The following APOBEC3B variants were observed in gnomAD, a reference collection of about 807,000 sequenced individuals.
APOBEC3B encodes the protein DNA dC->dU-editing enzyme APOBEC-3B.
In APOBEC3B, 29 loss-of-function variants were observed where a neutral mutation model predicts 53.4. The observed-to-expected ratio is 0.54, with a 90% CI of 0.40 to 0.74. The LOEUF (loss-of-function observed/expected upper bound fraction) is 0.74, where lower values mean the gene tolerates loss of function less well. Ranked by LOEUF, APOBEC3B falls within the 30% of genes least tolerant of loss-of-function variation. The pLI is 0.00. For missense variants in APOBEC3B, 347 were observed against 496.2 expected (o/e 0.70, Z 2.86); for synonymous variants, 132 against 184.8 (o/e 0.71, Z 2.32).
At position 38,984,989 on chromosome 22, in the gene APOBEC3B, C is replaced by T. The variant is rs1282783190; in HGVS notation, c.174+758C>T. Among the ~76,000 whole-genome samples, 8 of 145,464 alleles carry T rather than the reference C, an allele frequency of 5.5e-5. 1 individual carries two copies. Among genetic ancestry groups the T allele is most frequent in the Admixed American group, 7.2e-5 (1 of 13,942 alleles). Reference sequence around the variant, plus strand: ...CAATCTTGGCTCACTACAACCTCCACCTCTCAGGTTCAAGTGATTCTTCGG... The same window carrying T: ...CAATCTTGGCTCACTACAACCTCCATCTCTCAGGTTCAAGTGATTCTTCGG... On this transcript the variant is annotated intron_variant, in intron 2 of 7. Transcript: ENST00000333467.
rs202028894 is a variant in APOBEC3B at position 38,986,442 on chromosome 22, C to G, written c.569+30C>G. Reference sequence around the variant, plus strand: ...GGGTCTCCCTCTGGCCTCATCATCTCTCTCCTCTCACCTGCTCATCCTCCT... The same window carrying G: ...GGGTCTCCCTCTGGCCTCATCATCTGTCTCCTCTCACCTGCTCATCCTCCT... On this transcript the variant is annotated intron_variant, in intron 4 of 7. Transcript: ENST00000333467. The G allele has an allele frequency of 2.0e-5, 31 of 1,585,430 alleles. 3 individuals are homozygous for G. In the African/African-American group the frequency reaches 3.2e-4, roughly 17 times the overall value.
chr22:38,990,574 C>G (rs1363679927), intron 5 of APOBEC3B, among the ~76,000 whole-genome samples: 1 of 147,920 alleles, frequency 6.8e-6, no homozygotes, highest in Non-Finnish European at 1.5e-5. Context: ...TACCATGTCA[C>G]AGGGACCTTC....
chr22:38,990,230 G>A (rs1210158003), intron 5 of APOBEC3B, among the ~76,000 whole-genome samples: 3 of 148,036 alleles, frequency 2.0e-5, no homozygotes, highest in Non-Finnish European at 3.0e-5. Context: ...GGAAACTGGG[G>A]GCTTCTCTGG....
chr22:38,990,847 T>C (rs1291778337), intron 5 of APOBEC3B, among the ~76,000 whole-genome samples: 1 of 145,722 alleles, frequency 6.9e-6, no homozygotes, highest in Non-Finnish European at 1.5e-5. Flanking sequence ...CCTGCCCCCA[T>C]CTCTGTAGCC....
chr22:38,991,971 G>C (rs1181316442), intron 6 of APOBEC3B, 63 bp from the exon 7 acceptor site: 2 of 1,488,842 alleles, frequency 1.3e-6, no homozygotes, highest in African/African-American at 2.8e-5. Context: ...GAGAGTCATG[G>C]GCCCTTGGTG....
intron 4 of APOBEC3B, among the ~76,000 whole-genome samples, chr22:38,988,627 T>TCCTTCCTC (rs1222036075): frequency 6.9e-6 from 1 of 145,444 alleles, no homozygotes; most frequent in East Asian, 2.4e-4. Context: ...ATTCCTTCCT[T>TCCTTCCTC]CCTTCCTCCC....
chr22:38,988,683 C>CTCTCTT (rs1555894372), intron 4 of APOBEC3B, among the ~76,000 whole-genome samples: 2,874 of 47,378 alleles, frequency 0.061, 182 homozygotes, highest in Non-Finnish European at 0.064. Flanking sequence ...TTCTCTCTTT[C>CTCTCTT]TCTTTCTTTC....
chr22:38,987,251 C>T (rs1411575454), intron 4 of APOBEC3B, among the ~76,000 whole-genome samples: 2 of 148,548 alleles, frequency 1.3e-5, no homozygotes, highest in African/African-American at 4.9e-5. Context: ...TGCTGGGCCT[C>T]AGCCCTGGCC....
At position 38,985,769 on chromosome 22, in the gene APOBEC3B, C is replaced by T. The variant is rs368058660; in HGVS notation, c.175-43C>T. 1.1e-5 allele frequency: 17 copies of T among 1,542,122 alleles called. 1 individual carries two copies. Among genetic ancestry groups the T allele is most frequent in the Non-Finnish European group, 1.0e-5 (12 of 1,143,510 alleles). On this transcript the variant is annotated intron_variant, in intron 2 of 7. Coordinates refer to ENST00000333467, the MANE Select transcript of APOBEC3B (RefSeq NM_004900.5). ...CTGCCCCACCCCTGCACTCCTCCTG[C>T]TCCCCCTCTCAGAGCATCCCCTGCC... is the stretch of plus-strand genomic sequence containing the variant.
chr22:38,987,498 T>TGG (rs1923790429), intron 4 of APOBEC3B, among the ~76,000 whole-genome samples: 1 of 148,708 alleles, frequency 6.7e-6, no homozygotes, highest in African/African-American at 2.4e-5. Flanking sequence ...CCACCATTCC[T>TGG]GAGCTCTGGA....
intron 4 of APOBEC3B, among the ~76,000 whole-genome samples, chr22:38,987,111 A>G (rs1177520599): frequency 6.7e-6 from 1 of 148,774 alleles, no homozygotes; most frequent in Non-Finnish European, 1.5e-5. Flanking sequence ...ATAGAAATAG[A>G]ATCCAAACCC....
At chr22:38,992,240 C>T in intron 7 of APOBEC3B, 91 bp downstream of exon 7, 1 of 1,547,060 alleles carries the variant, frequency 6.5e-7, no homozygotes, top group Non-Finnish European at 8.7e-7. Context: ...CTCAGAGCCT[C>T]CTCTGGGTTC....
chr22:38,992,343 C>T lies in APOBEC3B; in HGVS notation c.1135-88C>T, dbSNP rs759066851. The T allele has an allele frequency of 8.7e-5, 134 of 1,547,590 alleles. 2 individuals are homozygous for T. In the East Asian group the frequency reaches 1.7e-3, roughly 20 times the overall value. On this transcript the variant is annotated intron_variant, in intron 7 of 7. Coordinates refer to ENST00000333467, the MANE Select transcript of APOBEC3B (RefSeq NM_004900.5). Reference sequence around the variant, plus strand: ...CCTCCCGCATCCCTCCCTCCTCTCCCGTCATTGTCACTGTCCCCAGGCCAC... The same window carrying T: ...CCTCCCGCATCCCTCCCTCCTCTCCTGTCATTGTCACTGTCCCCAGGCCAC...
Position 38,984,141 on chromosome 22 carries a change from T to G in APOBEC3B, c.84T>G (p.Tyr28Ter). 1 of 1,591,508 alleles carries G rather than the reference T, an allele frequency of 6.3e-7. No homozygotes were observed. Among genetic ancestry groups the G allele is most frequent in the Non-Finnish European group, 8.5e-7 (1 of 1,171,824 alleles). The change falls in exon 2 of 8, where the codon TAT (tyrosine) becomes TAG (stop). Residue 28 changes from tyrosine (Y) to a stop codon, truncating the protein, a stop_gained. Coordinates refer to ENST00000333467, the MANE Select transcript of APOBEC3B (RefSeq NM_004900.5). LOFTEE classifies it high-confidence loss of function. ...YDNFENEPIL[Y>*]GRSYTWLCYE... ...ACTTTGAAAACGAACCCATCCTCTA[T>G]GGTCGGAGCTACACTTGGCTGTGCT...
intron 2 of APOBEC3B, among the ~76,000 whole-genome samples, chr22:38,985,355 C>T (rs74836104): frequency 0.022 from 3,221 of 148,316 alleles, 264 homozygotes; most frequent in African/African-American, 0.075. Context: ...GTGAGCTGAA[C>T]AGTCACATGA....
Position 38,990,305 on chromosome 22 carries a change from G to C in APOBEC3B, c.723+695G>C, listed in dbSNP as rs1054774800. Reference sequence around the variant, plus strand: ...CACTGCTTGGAACATCCTTTCAAGGGTGCCAGTCTCCATCACCGCCTAAGC... The same window carrying C: ...CACTGCTTGGAACATCCTTTCAAGGCTGCCAGTCTCCATCACCGCCTAAGC... On this transcript the variant is annotated intron_variant, in intron 5 of 7. Transcript: ENST00000333467. Among the ~76,000 whole-genome samples, 10 of 147,684 alleles carry C rather than the reference G, an allele frequency of 6.8e-5. 1 individual carries two copies. Among genetic ancestry groups the C allele is most frequent in the African/African-American group, 2.5e-4 (10 of 40,520 alleles).
At position 38,986,416 on chromosome 22, in the gene APOBEC3B, A is replaced by C. The variant is rs532224176; in HGVS notation, c.569+4A>C. The C allele has an allele frequency of 7.5e-6, 12 of 1,592,336 alleles. 1 individual carries two copies. In the African/African-American group the frequency reaches 1.6e-4, roughly 21 times the overall value. On this transcript the variant is annotated splice_donor_region_variant and intron_variant, in intron 4 of 7. Transcript: ENST00000333467. ...GCACGCTAAAGGAGATTCTCAGGTG[A>C]GGGTCTCCCTCTGGCCTCATCATCT...
At position 38,991,723 on chromosome 22, in the gene APOBEC3B, C is replaced by T. The variant is rs1175115149; in HGVS notation, c.1018+97C>T. On this transcript the variant is annotated intron_variant, in intron 6 of 7. Coordinates refer to ENST00000333467, the MANE Select transcript of APOBEC3B (RefSeq NM_004900.5). ...GGCCTTGGTCTGCTGCCTGCAGAAA[C>T]GATGGCTGGACTCTGGGACCTGACT... 156 of 1,354,414 alleles carry T rather than the reference C, an allele frequency of 1.2e-4. 7 individuals are homozygous for T. The highest frequency in any genetic ancestry group is 1.4e-4 in the Non-Finnish European group (142 of 1,002,862). 83.9% of individuals were successfully genotyped at this position (1,354,414 alleles called of 1,614,324 possible).
intron 4 of APOBEC3B, among the ~76,000 whole-genome samples, chr22:38,988,686 T>TCTCTCTTTCC (rs1555894373): frequency 4.4e-5 from 2 of 45,774 alleles, no homozygotes; most frequent in African/African-American, 1.8e-4. Flanking sequence ...TCTCTTTCTC[T>TCTCTCTTTCC]TTCTTTCTTT....
Sources: allele counts gnomAD v4.1 joint callset (sites outside exome capture counted in the v4.1 genomes callset), GRCh38; gene constraint gnomAD v4.1.1; transcripts MANE v1.5; gene names NCBI Gene and HGNC (gene_info 2026-07-23, HGNC 2026-07-21).